The following PPP1R16B variants were observed in gnomAD, a reference collection of about 807,000 sequenced individuals.
The protein encoded by PPP1R16B is protein phosphatase 1 regulatory inhibitor subunit 16B.
In PPP1R16B, 14 loss-of-function variants were observed where a neutral mutation model predicts 61.7. The observed-to-expected ratio is 0.23, with a 90% CI of 0.15 to 0.35. The LOEUF (loss-of-function observed/expected upper bound fraction) is 0.35. Among genes scored for constraint, PPP1R16B ranks in the 10% least tolerant of loss-of-function variants. PPP1R16B has a pLI of 1.00. For synonymous variants in PPP1R16B, 266 were observed against 305.3 expected, an observed-to-expected ratio of 0.87 and a Z score of 1.34; for missense variants, 547 against 752.5, an observed-to-expected ratio of 0.73 and a Z score of 3.19.
chr20:38,846,455 A>G (rs559566529), intron 2 of PPP1R16B, among the ~76,000 whole-genome samples: 2 of 152,342 alleles, frequency 1.3e-5, no homozygotes, highest in Admixed American at 6.5e-5. Flanking sequence ...GAAGGTAGAA[A>G]GAAAACCAGG....
chr20:38,814,273 A>C (rs2084721075), intron 1 of PPP1R16B, among the ~76,000 whole-genome samples: 1 of 152,154 alleles, frequency 6.6e-6, no homozygotes, highest in African/African-American at 2.4e-5. Flanking sequence ...TTCTTTGCAT[A>C]AAAATGCTGT....
chr20:38,854,925 A>G (rs1243680376), intron 2 of PPP1R16B, among the ~76,000 whole-genome samples: 1 of 152,166 alleles, frequency 6.6e-6, no homozygotes, highest in African/African-American at 2.4e-5. Context: ...TGTTTACTCA[A>G]TGGCGGCCTT....
chr20:38,833,282 T>C (rs1001375799), intron 1 of PPP1R16B, among the ~76,000 whole-genome samples: 3 of 152,200 alleles, frequency 2.0e-5, no homozygotes, highest in Non-Finnish European at 4.4e-5. Context: ...AACAGATTAG[T>C]AATTGCCAAG....
At chr20:38,832,671 C>G (rs1019359471) in intron 1 of PPP1R16B, among the ~76,000 whole-genome samples, 1 of 152,086 alleles carries the variant, frequency 6.6e-6, no homozygotes, top group African/African-American at 2.4e-5. Context: ...GTAATCTGAG[C>G]ACTTTGGGAG....
intron 3 of PPP1R16B, among the ~76,000 whole-genome samples, chr20:38,891,868 A>G (rs1194061664): frequency 6.6e-6 from 1 of 152,184 alleles, no homozygotes; most frequent in East Asian, 1.9e-4. Context: ...AGCCTATTCA[A>G]TAGAACTTTC....
intron 1 of PPP1R16B, among the ~76,000 whole-genome samples, chr20:38,808,993 A>T (rs1242984488): frequency 6.6e-6 from 1 of 151,926 alleles, no homozygotes; most frequent in Non-Finnish European, 1.5e-5. Flanking sequence ...AGATCACATG[A>T]CTGCACTCCA....
At chr20:38,881,853 A>G (rs1185399493) in intron 2 of PPP1R16B, among the ~76,000 whole-genome samples, 1 of 152,084 alleles carries the variant, frequency 6.6e-6, no homozygotes, top group African/African-American at 2.4e-5. Flanking sequence ...TCCGCTGTAT[A>G]TGCTTCCTTC....
At chr20:38,850,761 G>A (rs185478081) in intron 2 of PPP1R16B, among the ~76,000 whole-genome samples, 175 of 152,262 alleles carry the variant, frequency 1.1e-3, no homozygotes, top group African/African-American at 4.0e-3. Context: ...GAGGTCAGGA[G>A]TTCGAGACCA....
rs560309980 is a variant in PPP1R16B, at chr20:38,918,988, T to C, written c.*322T>C. On this transcript the variant is annotated 3_prime_UTR_variant, in exon 11 of 11. Transcript: ENST00000299824. The surrounding 1 kb of genome is among the most constrained non-coding windows in gnomAD (Gnocchi z 5.3). ...ATAAAGGCTTCTCCGGATCAGTACA[T>C]GCATGTCACATTAACACACACACAC... The C allele has an allele frequency of 2.2e-5, 6 of 272,352 alleles. No individual in the cohort carries two copies. In the South Asian group the frequency reaches 5.9e-4, roughly 27 times the overall value. 16.9% of individuals were successfully genotyped at this position (272,352 alleles called of 1,614,324 possible).
intron 10 of PPP1R16B, among the ~76,000 whole-genome samples, chr20:38,912,139 G>A (rs1601315697): frequency 7.8e-6 from 1 of 129,012 alleles, no homozygotes; most frequent in South Asian, 2.4e-4. Context: ...CGCTCTTGTT[G>A]CCTAGCCTGG....
At chr20:38,905,371 G>T (rs1328020629) in intron 6 of PPP1R16B, among the ~76,000 whole-genome samples, 1 of 152,192 alleles carries the variant, frequency 6.6e-6, no homozygotes, top group Non-Finnish European at 1.5e-5. Flanking sequence ...CTGGCTGTTG[G>T]CAGGAAGCCT....
rs903476165 is a variant in PPP1R16B, at chr20:38,889,695, C to T, written c.321+30C>T. On this transcript the variant is annotated intron_variant, in intron 3 of 10. Coordinates refer to ENST00000299824, the MANE Select transcript of PPP1R16B (RefSeq NM_015568.4). ...GGCCGGGCTCGTTGGGGCTCCAGGGCTCCCTGCCCCTCACCTGGACAGGTA... is the reference window on the plus strand; with the variant it reads ...GGCCGGGCTCGTTGGGGCTCCAGGGTTCCCTGCCCCTCACCTGGACAGGTA... The T allele has an allele frequency of 2.4e-5, 37 of 1,531,000 alleles. No individual in the cohort carries two copies. The Middle Eastern group carries it at 6.8e-4, about 28-fold the overall frequency. 94.8% of individuals were successfully genotyped at this position (1,531,000 alleles called of 1,614,324 possible).
At chr20:38,898,630 T>G (rs950897401) in intron 4 of PPP1R16B, among the ~76,000 whole-genome samples, 4 of 152,136 alleles carry the variant, frequency 2.6e-5, no homozygotes, top group African/African-American at 4.8e-5. Flanking sequence ...GCCAACATAG[T>G]GAGACCCTGT....
intron 5 of PPP1R16B, among the ~76,000 whole-genome samples, chr20:38,902,456 C>T (rs547105172): frequency 1.3e-5 from 2 of 152,328 alleles, no homozygotes; most frequent in Admixed American, 1.3e-4. Context: ...AATCCATTGC[C>T]TAGTGGGTGC....
rs904011958 is a variant in PPP1R16B at position 38,907,507 on chromosome 20, G to A, written c.899-299G>A. Among the ~76,000 whole-genome samples, 1 of 152,136 alleles carries A rather than the reference G, an allele frequency of 6.6e-6. No individual in the cohort carries two copies. Among genetic ancestry groups the A allele is most frequent in the Non-Finnish European group, 1.5e-5 (1 of 68,028 alleles). On this transcript the variant is annotated intron_variant, in intron 8 of 10. Transcript: ENST00000299824. The surrounding 1 kb of genome is among the most constrained non-coding windows in gnomAD (Gnocchi z 4.5). ...CATAATTTATTGCTTGGGCTATGTG[G>A]GGTACCTGCTTGGGGACTCTTCTTG...
intron 4 of PPP1R16B, among the ~76,000 whole-genome samples, 182 bp downstream of exon 4, chr20:38,895,892 TCCCTCCCTCCTTCCTTCTTTCTTCC>T (rs1568678953): frequency 2.1e-5 from 2 of 95,904 alleles, no homozygotes; most frequent in Non-Finnish European, 4.1e-5. Flanking sequence ...CTTTCTTCCC[TCCCTCCCTCCTTCCTTCTTTCTTCC>T]CTCCCTCCCT....
chr20:38,839,687 CT>C (rs11086738), intron 2 of PPP1R16B, among the ~76,000 whole-genome samples: 109,344 of 150,104 alleles, frequency 0.73, 39,802 homozygotes, highest in African/African-American at 0.78. Flanking sequence ...CTGCAATTTT[CT>C]TTTTTTTTTT....
intron 1 of PPP1R16B, 31 bp downstream of exon 1, chr20:38,805,823 T>C (rs904205822): frequency 3.9e-5 from 6 of 152,292 alleles, no homozygotes; most frequent in African/African-American, 1.4e-4. Context: ...ACCACCCTCC[T>C]TGCGCTCTGC....
Position 38,905,321 on chromosome 20 carries a change from A to G in PPP1R16B, c.697-648A>G, listed in dbSNP as rs1159890209. ...AGGCTTGACTGGTACTGGAAGATCC[A>G]CTTCCAAGTCAGTTCACACACATGG... On this transcript the variant is annotated intron_variant, in intron 6 of 10. Transcript: ENST00000299824. 9.2e-5 allele frequency among the ~76,000 whole-genome samples: 14 copies of G among 152,150 alleles called. No individual in the cohort carries two copies. In the East Asian group the frequency reaches 2.5e-3, roughly 27 times the overall value.
Sources: allele counts gnomAD v4.1 joint callset (sites outside exome capture counted in the v4.1 genomes callset), GRCh38; gene constraint gnomAD v4.1.1; non-coding constraint Gnocchi (gnomAD v3.1); transcripts MANE v1.5; gene names NCBI Gene and HGNC (gene_info 2026-07-23, HGNC 2026-07-21).